The following COL12A1 variants were observed in gnomAD, a reference collection of about 807,000 sequenced individuals.
COL12A1 encodes the protein collagen type XII alpha 1 chain, also known as collagen alpha-1(XII) chain.
COL12A1 carries 114 observed loss-of-function variants against 349.7 expected under a neutral mutation model. The ratio of observed to expected loss-of-function variants is 0.33; its 90% CI spans 0.28 to 0.38. COL12A1 has a LOEUF of 0.38. Ranked by LOEUF, COL12A1 falls within the 10% of genes least tolerant of loss-of-function variation. COL12A1 has a pLI of 1.00. For synonymous variants in COL12A1, 1,369 were observed against 1,329.0 expected (o/e 1.03, Z -0.66); for missense variants, 3,284 against 3,756.9 (o/e 0.87, Z 3.29).
In COL12A1 at chr6:75,090,226, C is replaced by T; in HGVS notation, c.8825G>A (p.Gly2942Asp). 6.2e-7 allele frequency: 1 copy of T among 1,614,012 alleles called. No individual in the cohort carries two copies. The highest frequency in any genetic ancestry group is 8.5e-7 in the Non-Finnish European group (1 of 1,179,972). Residue 2942 changes from glycine (G) to aspartate (D), a missense_variant, in exon 63 of 66, where the codon GGC (glycine) becomes GAC (aspartate). Physicochemically the swap from Gly to Asp is moderately conservative, Grantham distance 94 (BLOSUM62 -1). This residue lies in a region of COL12A1 where 683 missense variants were observed against 932.1 expected (regional missense o/e 0.73). Coordinates refer to ENST00000322507, the MANE Select transcript of COL12A1 (RefSeq NM_004370.6). The surrounding 1 kb of genome is among the most constrained non-coding windows in gnomAD (Gnocchi z 4.1). ...NDYQSSRNQPGPPGPPGPPGS... is the reference protein window; with the variant it reads ...NDYQSSRNQPDPPGPPGPPGS... ...AGGAGGTCCCGGTGGACCCGGCGGGCCTGGCTGGTTGCGACTGGACTGGTA... is the reference window on the plus strand; with the variant it reads ...AGGAGGTCCCGGTGGACCCGGCGGGTCTGGCTGGTTGCGACTGGACTGGTA...
At chr6:75,143,536 C>A (rs1582124172) in intron 25 of COL12A1, 148 bp from the exon 26 acceptor site, 1 of 804,900 alleles carries the variant, frequency 1.2e-6, no homozygotes, top group South Asian at 1.8e-5. Flanking sequence ...GATAAAAGTA[C>A]CATGATTCTA....
intron 36 of COL12A1, 76 bp downstream of exon 36, chr6:75,130,776 C>T (rs1766261452): frequency 2.5e-6 from 4 of 1,577,366 alleles, no homozygotes; most frequent in Non-Finnish European, 3.5e-6. Context: ...ACCCCCCTCC[C>T]ACCACTCATT....
At chr6:75,168,400 G>A (rs753152234) in intron 13 of COL12A1, among the ~76,000 whole-genome samples, 23 of 152,150 alleles carry the variant, frequency 1.5e-4, no homozygotes, top group Non-Finnish European at 2.6e-4. Flanking sequence ...AGTGGATTGC[G>A]CCCTGTGGTA....
At position 75,182,800 on chromosome 6, in the gene COL12A1, C is replaced by G. The variant is rs146574478; in HGVS notation, c.1891+250G>C. Among the ~76,000 whole-genome samples, 1,979 of 152,260 alleles carry G rather than the reference C, an allele frequency of 0.013. 40 individuals carry two copies. The highest frequency in any genetic ancestry group is 0.046 in the African/African-American group (1,892 of 41,556). ...AAAACTTGTTCCTAAACCTGCTTGA[C>G]AATCTAGGAACAGAAACATCTCATG... On this transcript the variant is annotated intron_variant, in intron 10 of 65. Coordinates refer to ENST00000322507, the MANE Select transcript of COL12A1 (RefSeq NM_004370.6).
intron 25 of COL12A1, among the ~76,000 whole-genome samples, chr6:75,144,461 G>A (rs1767074984): frequency 6.6e-6 from 1 of 151,930 alleles, no homozygotes; most frequent in South Asian, 2.1e-4. Flanking sequence ...TTTCCTCCTT[G>A]AAGTGCCTTC....
intron 38 of COL12A1, among the ~76,000 whole-genome samples, chr6:75,127,419 T>A (rs1766072466): frequency 6.6e-6 from 1 of 152,168 alleles, no homozygotes; most frequent in Non-Finnish European, 1.5e-5. Flanking sequence ...TGTAATGTTG[T>A]CAAGATCATT....
At chr6:75,141,825 A>G (rs1391683916) in intron 27 of COL12A1, among the ~76,000 whole-genome samples, 1 of 152,208 alleles carries the variant, frequency 6.6e-6, no homozygotes, top group Non-Finnish European at 1.5e-5. Flanking sequence ...ACAGTGGCTG[A>G]TGGAAAGTAT....
intron 1 of COL12A1, 32 bp from the exon 2 acceptor site, chr6:75,202,859 T>A: frequency 6.8e-7 from 1 of 1,459,948 alleles, no homozygotes; most frequent in Non-Finnish European, 9.4e-7. Context: ...GCATCAGAAC[T>A]GGGTCTGGGC....
chr6:75,110,526 T>C (rs1286945649), intron 51 of COL12A1, among the ~76,000 whole-genome samples: 2 of 152,016 alleles, frequency 1.3e-5, no homozygotes, highest in Non-Finnish European at 2.9e-5. Flanking sequence ...AATGATGTGT[T>C]GTTGGTCCCA....
At position 75,168,437 on chromosome 6, in the gene COL12A1, T is replaced by G. The variant is rs1220698088; in HGVS notation, c.2711-2658A>C. ...AGTTGGCAGGATGGAAGCTGGCAAGTGGCTGAACTGGTCTTGGGGCCAGGT... is the reference window on the plus strand; with the variant it reads ...AGTTGGCAGGATGGAAGCTGGCAAGGGGCTGAACTGGTCTTGGGGCCAGGT... On this transcript the variant is annotated intron_variant, in intron 13 of 65. Transcript: ENST00000322507. Among the ~76,000 whole-genome samples, 3 of 152,184 alleles carry G rather than the reference T, an allele frequency of 2.0e-5. No individual in the cohort carries two copies. The East Asian group carries it at 5.8e-4, about 29-fold the overall frequency.
chr6:75,173,421 G>T (rs1216595471), intron 13 of COL12A1, among the ~76,000 whole-genome samples: 1 of 151,294 alleles, frequency 6.6e-6, no homozygotes. Context: ...TTGTTGCCCA[G>T]CCTGGAGTGC....
chr6:75,129,692 T>C (rs957622559), intron 37 of COL12A1, among the ~76,000 whole-genome samples: 1 of 152,312 alleles, frequency 6.6e-6, no homozygotes, highest in East Asian at 1.9e-4. Context: ...GGAGACCTTG[T>C]AGAGGAATTA....
chr6:75,197,609 G>T (rs370219871), intron 2 of COL12A1, among the ~76,000 whole-genome samples: 15 of 152,150 alleles, frequency 9.9e-5, no homozygotes, highest in East Asian at 5.8e-4. Context: ...ACTGTGCCCA[G>T]CCCGGAAATT....
chr6:75,112,776 A>T (rs994615372), intron 51 of COL12A1, among the ~76,000 whole-genome samples: 1 of 151,486 alleles, frequency 6.6e-6, no homozygotes, highest in African/African-American at 2.4e-5. Flanking sequence ...TCAATAAAAT[A>T]CAAGCAGAAG....
At chr6:75,194,523 A>G (rs1770119632) in intron 3 of COL12A1, among the ~76,000 whole-genome samples, 8 of 152,212 alleles carry the variant, frequency 5.3e-5, no homozygotes, top group Admixed American at 5.2e-4. Flanking sequence ...AAGAATGCCA[A>G]AGAATGAGGA....
At position 75,111,436 on chromosome 6, in the gene COL12A1, TA is replaced by T. The variant is rs111554527; in HGVS notation, c.7950+1767del. ...AATCATTAATATCACTACAGACCTCTAAAAAATACTGCCTTTTAAAATTTTT... is the reference window on the plus strand; with the variant it reads ...AATCATTAATATCACTACAGACCTCTAAAAATACTGCCTTTTAAAATTTTT... On this transcript the variant is annotated intron_variant, in intron 51 of 65. Coordinates refer to ENST00000322507, the MANE Select transcript of COL12A1 (RefSeq NM_004370.6). Among the ~76,000 whole-genome samples the T allele has an allele frequency of 6.8e-3, 1,036 of 151,924 alleles. 16 individuals carry two copies. The highest frequency in any genetic ancestry group is 0.023 in the African/African-American group (975 of 41,500).
intron 60 of COL12A1, among the ~76,000 whole-genome samples, chr6:75,092,036 A>G (rs558507131): frequency 6.6e-6 from 1 of 152,232 alleles, no homozygotes; most frequent in Admixed American, 6.5e-5. Flanking sequence ...TTCTTTGTAC[A>G]TTTGAGATAA....
rs530496339 is a variant in COL12A1, at chr6:75,135,136, C to T, written c.5395-281G>A. On this transcript the variant is annotated intron_variant, in intron 31 of 65. Coordinates refer to ENST00000322507, the MANE Select transcript of COL12A1 (RefSeq NM_004370.6). ...GCAAAATTTCATCCAAAACACATTT[C>T]ACAGAACTCTTCAAAAAAAAAGGGG... Among the ~76,000 whole-genome samples the T allele has an allele frequency of 1.1e-4, 17 of 150,966 alleles. No individual in the cohort carries two copies. In the South Asian group the frequency reaches 3.6e-3, roughly 32 times the overall value.
rs368750949 is a variant in COL12A1 at position 75,186,373 on chromosome 6, A to G, written c.997+1989T>C. On this transcript the variant is annotated intron_variant, in intron 8 of 65. Coordinates refer to ENST00000322507, the MANE Select transcript of COL12A1 (RefSeq NM_004370.6). ...TCAACAATCATACAAAAAAAAGTTC[A>G]ACATTACTGATTATTAGAGAAACAC... Among the ~76,000 whole-genome samples, 41 of 152,322 alleles carry G rather than the reference A, an allele frequency of 2.7e-4. No homozygotes were observed. The Middle Eastern group carries it at 0.01, about 38-fold the overall frequency.
Sources: gnomAD v4.1 joint callset for allele counts (sites outside exome capture counted in the v4.1 genomes callset) on GRCh38, gnomAD v4.1.1 for gene constraint, gnomAD v4.1.1 regional missense constraint, Gnocchi (gnomAD v3.1) non-coding constraint, MANE v1.5 for transcripts, NCBI Gene and HGNC (gene_info 2026-07-23, HGNC 2026-07-21) for gene names.